KIF13A: variants seen among roughly 807,000 people sequenced by gnomAD.
KIF13A encodes kinesin-like protein KIF13A.
KIF13A carries 79 observed loss-of-function variants against 212.2 expected under a neutral mutation model. The ratio of observed to expected loss-of-function variants is 0.37; its 90% confidence interval spans 0.31 to 0.45. The LOEUF (loss-of-function observed/expected upper bound fraction) is 0.45. Ranked by LOEUF, KIF13A falls within the 20% of genes least tolerant of loss-of-function variation. The probability of loss-of-function intolerance (pLI) is 1.00; values close to 1 mark genes in which losing one functional copy is unlikely to be tolerated. For synonymous variants in KIF13A, 789 were observed against 808.6 expected, an observed-to-expected ratio of 0.98 and a Z score of 0.41; for missense variants, 1,901 against 2,209.0, an observed-to-expected ratio of 0.86 and a Z score of 2.79.
chr6:17,862,910 T>A (rs1175711022), intron 4 of KIF13A, among the ~76,000 whole-genome samples: 1 of 152,166 alleles, frequency 6.6e-6, no homozygotes, highest in Admixed American at 6.5e-5. Flanking sequence ...ATCGCGCCAC[T>A]GCACTCCAGC....
In KIF13A at chr6:17,836,896, C is replaced by T. The variant is rs1187690803; in HGVS notation, c.1137G>A (p.Glu379=). ...ELREEVEKLR[E]QLSQAEAMKA... is the part of the protein sequence containing the mutation. Reference sequence around the variant, plus strand: ...CTTTTACCTCTGCCTGAGAGAGCTGCTCTCTCAGTTTCTCGACTTCCTCCC... The same window carrying T: ...CTTTTACCTCTGCCTGAGAGAGCTGTTCTCTCAGTTTCTCGACTTCCTCCC... Residue 379 remains glutamate, a synonymous_variant, in exon 11 of 39, where the codon GAG becomes GAA. Transcript: ENST00000259711. 6.2e-7 allele frequency: 1 copy of T among 1,613,880 alleles called. No homozygotes were observed. The highest frequency in any genetic ancestry group is 1.7e-5 in the Admixed American group (1 of 60,018).
At chr6:17,979,251 C>T (rs937166557) in intron 2 of KIF13A, among the ~76,000 whole-genome samples, 1 of 152,090 alleles carries the variant, frequency 6.6e-6, no homozygotes, top group African/African-American at 2.4e-5. Context: ...CCAGATTGTG[C>T]CACTGCACTC....
chr6:17,966,646 G>A (rs974754571), intron 2 of KIF13A, among the ~76,000 whole-genome samples: 6 of 152,072 alleles, frequency 3.9e-5, no homozygotes, highest in Non-Finnish European at 8.8e-5. Context: ...ACATGGATCG[G>A]TATGGATTCA....
At position 17,787,778 on chromosome 6, in the gene KIF13A, G is replaced by A. The variant is rs765582187; in HGVS notation, c.3359C>T (p.Thr1120Ile). ...DEQIKKVSNK[T>I]EKTEDDVERE... ...TAAAAGAGTTTGATCTCACATACCTGTTTTATTGCTGACTTTTTTTATCTG... is the reference window on the plus strand; with the variant it reads ...TAAAAGAGTTTGATCTCACATACCTATTTTATTGCTGACTTTTTTTATCTG... Residue 1120 changes from threonine (T) to isoleucine (I), a missense_variant and splice_region_variant, in exon 27 of 39, where the codon ACA (threonine) becomes ATA (isoleucine). Around this residue, in one of 5 missense-constraint regions of KIF13A, gnomAD observed 168 missense variants for 250.9 expected, o/e 0.67. Coordinates refer to ENST00000259711, the MANE Select transcript of KIF13A (RefSeq NM_022113.6). This position sits in a 1 kb window ranked among gnomAD's most constrained non-coding sequence, Gnocchi z 4.6. 15 of 1,595,450 alleles carry A rather than the reference G, an allele frequency of 9.4e-6. No homozygotes were observed. The East Asian group carries it at 2.7e-4, about 28-fold the overall frequency.
chr6:17,825,691 A>T lies in KIF13A; in HGVS notation c.1786+77T>A. 1 of 1,341,232 alleles carries T rather than the reference A, an allele frequency of 7.5e-7. No individual in the cohort carries two copies. Among genetic ancestry groups the T allele is most frequent in the Non-Finnish European group, 1.0e-6 (1 of 965,374 alleles). 83.1% of individuals were successfully genotyped at this position (1,341,232 alleles called of 1,614,324 possible). ...AATGTGGAATGCGGAATGACACCTG[A>T]TGCATGCTTATCCCTCACTGAATGG... is the stretch of plus-strand genomic sequence containing the variant. On this transcript the variant is annotated intron_variant, in intron 16 of 38. Transcript: ENST00000259711. This position sits in a 1 kb window ranked among gnomAD's most constrained non-coding sequence, Gnocchi z 4.5.
chr6:17,780,982 GA>G, intron 30 of KIF13A, 76 bp from the exon 31 acceptor site: 2 of 1,430,496 alleles, frequency 1.4e-6, no homozygotes, highest in Non-Finnish European at 1.9e-6. Context: ...ACATACAAGA[GA>G]AAGAAAATAA....
At chr6:17,930,724 G>A (rs1581765908) in intron 2 of KIF13A, among the ~76,000 whole-genome samples, 1 of 152,272 alleles carries the variant, frequency 6.6e-6, no homozygotes, top group East Asian at 1.9e-4. Flanking sequence ...AAGGGACAGT[G>A]GTGATCTCAC....
chr6:17,859,634 A>ATTTT (rs1187732765), intron 4 of KIF13A, among the ~76,000 whole-genome samples: 1 of 103,690 alleles, frequency 9.6e-6, no homozygotes, highest in African/African-American at 4.6e-5. Context: ...ATATATATAT[A>ATTTT]TATATTTTTT....
intron 2 of KIF13A, among the ~76,000 whole-genome samples, chr6:17,901,060 C>T (rs540706208): frequency 1.5e-4 from 18 of 123,660 alleles, no homozygotes; most frequent in African/African-American, 4.1e-4. Context: ...CCATCCTGGG[C>T]GACAGAGCAA....
In KIF13A at chr6:17,764,111, C is replaced by T; in HGVS notation, c.5417G>A (p.Ter1806=). 1.2e-6 allele frequency: 2 copies of T among 1,613,326 alleles called. No homozygotes were observed. The highest frequency in any genetic ancestry group is 1.7e-5 in the Admixed American group (1 of 59,988). Residue 1806 remains the stop codon, a stop_retained_variant, in exon 39 of 39, where the codon TGA becomes TAA. Transcript: ENST00000259711. This position sits in a 1 kb window ranked among gnomAD's most constrained non-coding sequence, Gnocchi z 5.1. The stretch of plus-strand genomic sequence containing the variant: ...GGGTTGACATACAGTTAGACATACT[C>T]ATTGACAGCACAGAACCCAAAAGGC... ...EAAFWVLCCQ[*]
At chr6:17,766,219 GATTTATTTATTTATTT>G (rs57491415) in intron 38 of KIF13A, among the ~76,000 whole-genome samples, 2 of 144,656 alleles carry the variant, frequency 1.4e-5, no homozygotes, top group Admixed American at 1.4e-4. Flanking sequence ...TTATTTTTAA[GATTTATTTATTTATTT>G]ATTTATTTAT....
In KIF13A at chr6:17,820,955, G is replaced by T. The variant is rs766231055; in HGVS notation, c.1787-3722C>A. ...GGAAACAGATCTTTGGAGAAAAAAA[G>T]AACTATTTGATCCCAGATGGAACAA... is the stretch of plus-strand genomic sequence containing the variant. On this transcript the variant is annotated intron_variant, in intron 16 of 38. Coordinates refer to ENST00000259711, the MANE Select transcript of KIF13A (RefSeq NM_022113.6). 1.3e-5 allele frequency among the ~76,000 whole-genome samples: 2 copies of T among 152,162 alleles called. 1 individual carries two copies. The highest frequency in any genetic ancestry group is 1.3e-4 in the Admixed American group (2 of 15,276).
At position 17,773,493 on chromosome 6, in the gene KIF13A, G is replaced by A. The variant is rs761162305; in HGVS notation, c.4309C>T (p.Arg1437Ter). The A allele has an allele frequency of 3.1e-6, 5 of 1,591,952 alleles. No individual in the cohort carries two copies. Among genetic ancestry groups the A allele is most frequent in the East Asian group, 2.2e-5 (1 of 44,724 alleles). The change falls in exon 36 of 39, where the codon CGA becomes TGA. Residue 1437 changes from arginine to a stop codon, truncating the protein, a stop_gained. Coordinates refer to ENST00000259711, the MANE Select transcript of KIF13A (RefSeq NM_022113.6). LOFTEE classifies it high-confidence loss of function. This position sits in a 1 kb window ranked among gnomAD's most constrained non-coding sequence, Gnocchi z 4.2. ...CYGTLPRDSP[R>*]RNKEGCTSET... ...TCACCACTACCTTCTTTATTCCTTC[G>A]AGGAGAATCCCTGGGTAAAGTTCCA... is the stretch of plus-strand genomic sequence containing the variant.
intron 2 of KIF13A, among the ~76,000 whole-genome samples, chr6:17,940,323 G>A (rs1776852517): frequency 6.6e-6 from 1 of 152,264 alleles, no homozygotes; most frequent in Admixed American, 6.5e-5. Context: ...AATCCGTGGT[G>A]GGTCCTGAGC....
chr6:17,848,478 C>T (rs1279551581), intron 9 of KIF13A, among the ~76,000 whole-genome samples: 1 of 151,782 alleles, frequency 6.6e-6, no homozygotes, highest in African/African-American at 2.4e-5. Flanking sequence ...TTTTAGCTTC[C>T]ACATATGTCA....
intron 9 of KIF13A, among the ~76,000 whole-genome samples, chr6:17,847,449 T>C (rs2150394890): frequency 6.6e-6 from 1 of 152,358 alleles, no homozygotes; most frequent in Admixed American, 6.5e-5. Context: ...TGAGTACGGC[T>C]GTGTCCATCT....
At chr6:17,955,556 AT>A (rs1561801962) in intron 2 of KIF13A, among the ~76,000 whole-genome samples, 3 of 152,248 alleles carry the variant, frequency 2.0e-5, no homozygotes, top group African/African-American at 2.4e-5. Flanking sequence ...GACAATGTGC[AT>A]TCACTATATT....
rs1458729089 is a variant in KIF13A at position 17,773,592 on chromosome 6, T to C, written c.4219-9A>G. The stretch of plus-strand genomic sequence containing the variant: ...TGGTTCTCTGGCCAACCCTACAAGG[T>C]AAAAATATGGGTTAACTGTAATTGA... On this transcript the variant is annotated splice_polypyrimidine_tract_variant and intron_variant, in intron 35 of 38. Coordinates refer to ENST00000259711, the MANE Select transcript of KIF13A (RefSeq NM_022113.6). The surrounding 1 kb of genome is among the most constrained non-coding windows in gnomAD (Gnocchi z 4.2). The C allele has an allele frequency of 1.3e-6, 2 of 1,527,168 alleles. No homozygotes were observed. The highest frequency in any genetic ancestry group is 3.4e-5 in the Admixed American group (2 of 59,238). The allele number at this position is 1,527,168 out of a possible 1,614,324, so 94.6% of individuals were successfully genotyped here. A position where few individuals can be genotyped will look rare whatever the true frequency, so the allele number is the denominator to read the frequency against.
chr6:17,906,010 A>G (rs1773463330), intron 2 of KIF13A, among the ~76,000 whole-genome samples: 1 of 152,236 alleles, frequency 6.6e-6, no homozygotes, highest in African/African-American at 2.4e-5. Context: ...TGAATTATAA[A>G]AAGTAGAAGG....
Sources: allele counts gnomAD v4.1 joint callset (sites outside exome capture counted in the v4.1 genomes callset), GRCh38; gene constraint gnomAD v4.1.1; regional missense constraint gnomAD v4.1.1; non-coding constraint Gnocchi (gnomAD v3.1); transcripts MANE v1.5; gene names NCBI Gene and HGNC (gene_info 2026-07-23, HGNC 2026-07-21).